The following WWOX variants were observed in gnomAD, a reference collection of about 807,000 sequenced individuals.
WWOX encodes WW domain-containing oxidoreductase.
Under a neutral mutation model 46.2 loss-of-function variants are expected in WWOX, and 69 were observed. That is an observed-to-expected ratio of 1.49 (90% CI 1.23 to 1.82). The LOEUF is 1.82. Among genes scored for constraint, WWOX ranks in the 40% most tolerant of loss-of-function variants. The pLI, the probability that WWOX is intolerant of heterozygous loss-of-function variation, is 0.00. For missense variants in WWOX, 919 were observed against 542.6 expected, an observed-to-expected ratio of 1.69 and a Z score of -6.89; for synonymous variants, 359 against 202.6, an observed-to-expected ratio of 1.77 and a Z score of -6.56.
chr16:78,841,584 C>T (rs1321044144), intron 8 of WWOX, among the ~76,000 whole-genome samples: 2 of 152,172 alleles, frequency 1.3e-5, no homozygotes, highest in African/African-American at 4.8e-5. Context: ...ATATGTAATG[C>T]TGCTTTCAAA....
chr16:78,611,012 A>C (rs1405747479), intron 8 of WWOX, among the ~76,000 whole-genome samples: 2 of 152,210 alleles, frequency 1.3e-5, no homozygotes, highest in African/African-American at 4.8e-5. Flanking sequence ...AGTAGGAAGC[A>C]GGCAGAGTTG....
intron 8 of WWOX, among the ~76,000 whole-genome samples, chr16:78,713,001 G>T (rs929717425): frequency 6.6e-6 from 1 of 152,002 alleles, no homozygotes; most frequent in Admixed American, 6.6e-5. Context: ...CTGGTGTAGT[G>T]GCTCATGCCT....
chr16:78,960,048 G>A lies in WWOX; in HGVS notation c.1057-251560G>A, dbSNP rs539820706. 4.1e-4 allele frequency among the ~76,000 whole-genome samples: 62 copies of A among 152,274 alleles called. 1 individual carries two copies. Among genetic ancestry groups the A allele is most frequent in the Middle Eastern group, 3.4e-3 (1 of 294 alleles). On this transcript the variant is annotated intron_variant, in intron 8 of 8. Transcript: ENST00000566780. ...TAGGTCTACCAGTTAGTGGGTATTG[G>A]TGCATGGTGGGACAGACTAAATGGC...
chr16:78,669,407 A>G (rs908602871), intron 8 of WWOX, among the ~76,000 whole-genome samples: 5 of 152,182 alleles, frequency 3.3e-5, no homozygotes, highest in African/African-American at 1.2e-4. Flanking sequence ...TCCCCAGGGG[A>G]TGTTTTTACA....
chr16:78,362,124 G>A (rs922489099), intron 5 of WWOX, among the ~76,000 whole-genome samples: 27 of 151,972 alleles, frequency 1.8e-4, no homozygotes, highest in Non-Finnish European at 3.5e-4. Flanking sequence ...TTTTATGTCC[G>A]GTGGCCATAG....
chr16:78,287,070 G>A lies in WWOX; in HGVS notation c.517-99790G>A, dbSNP rs1045908233. 3.9e-5 allele frequency among the ~76,000 whole-genome samples: 6 copies of A among 152,140 alleles called. No individual in the cohort carries two copies. The East Asian group carries it at 1.2e-3, about 29-fold the overall frequency. On this transcript the variant is annotated intron_variant, in intron 5 of 8. Transcript: ENST00000566780. ...GGAATTAGCCATTTGGTAATACAACGGGACAAGCTTATGGTAGGTCTGACC... is the reference window on the plus strand; with the variant it reads ...GGAATTAGCCATTTGGTAATACAACAGGACAAGCTTATGGTAGGTCTGACC...
At chr16:78,433,093 A>C (rs750615905) in intron 8 of WWOX, among the ~76,000 whole-genome samples, 2 of 152,124 alleles carry the variant, frequency 1.3e-5, no homozygotes, top group African/African-American at 4.8e-5. Flanking sequence ...TGAATGGAGC[A>C]CTTGAAAACT....
intron 8 of WWOX, among the ~76,000 whole-genome samples, chr16:79,051,005 C>A: frequency 6.6e-6 from 1 of 152,346 alleles, no homozygotes; most frequent in East Asian, 1.9e-4. Context: ...CCAAATCACA[C>A]GTCACGGCTC....
chr16:78,368,552 A>C (rs4459554), intron 5 of WWOX, among the ~76,000 whole-genome samples: 9,256 of 152,264 alleles, frequency 0.061, 343 homozygotes, highest in South Asian at 0.17. Context: ...ATATCCTCAA[A>C]CCAAGGAGAA....
chr16:79,036,267 C>A (rs753420207), intron 8 of WWOX, among the ~76,000 whole-genome samples: 1 of 152,212 alleles, frequency 6.6e-6, no homozygotes, highest in African/African-American at 2.4e-5. Flanking sequence ...ACTTTTTGCC[C>A]TGACTCCCAC....
At chr16:78,657,827 G>GT (rs2047116240) in intron 8 of WWOX, among the ~76,000 whole-genome samples, 1 of 152,066 alleles carries the variant, frequency 6.6e-6, no homozygotes, top group Non-Finnish European at 1.5e-5. Context: ...TTTTGTGTGT[G>GT]TGTTATTTTG....
chr16:78,669,842 G>A (rs1432838775), intron 8 of WWOX, among the ~76,000 whole-genome samples: 1 of 152,098 alleles, frequency 6.6e-6, no homozygotes, highest in Non-Finnish European at 1.5e-5. Flanking sequence ...TCTCTAATAA[G>A]ATGTTTAGGG....
chr16:78,525,979 C>T (rs1187036608), intron 8 of WWOX: 1 of 152,142 alleles, frequency 6.6e-6, no homozygotes, highest in East Asian at 1.9e-4. Context: ...GGTTGCAGAG[C>T]ACATGTATCA....
chr16:78,966,170 ATT>A (rs920650729), intron 8 of WWOX, among the ~76,000 whole-genome samples: 2 of 152,184 alleles, frequency 1.3e-5, no homozygotes, highest in Non-Finnish European at 2.9e-5. Context: ...GATATAATTT[ATT>A]TTTCCGTGTG....
chr16:78,881,748 C>A (rs1362013325), intron 8 of WWOX, among the ~76,000 whole-genome samples: 1 of 152,188 alleles, frequency 6.6e-6, no homozygotes, highest in Non-Finnish European at 1.5e-5. Context: ...TTCTTTCTGG[C>A]TTGTCTACGC....
intron 8 of WWOX, among the ~76,000 whole-genome samples, chr16:79,039,144 C>T (rs952846191): frequency 6.6e-6 from 1 of 152,156 alleles, no homozygotes; most frequent in African/African-American, 2.4e-5. Flanking sequence ...TTTATTGTAG[C>T]TGGGGAATTC....
At chr16:78,527,409 T>A (rs914002228) in intron 8 of WWOX, among the ~76,000 whole-genome samples, 10 of 151,732 alleles carry the variant, frequency 6.6e-5, no homozygotes, top group African/African-American at 1.5e-4. Context: ...TTTTCCTGCC[T>A]TGGGCCCCTG....
chr16:78,931,467 T>G (rs1414620944), intron 8 of WWOX, among the ~76,000 whole-genome samples: 2 of 152,174 alleles, frequency 1.3e-5, no homozygotes, highest in South Asian at 4.1e-4. Context: ...CTCTGCATAG[T>G]CAGCAGATTT....
intron 8 of WWOX, among the ~76,000 whole-genome samples, chr16:78,656,168 TTGTG>T (rs905723433): frequency 3.9e-5 from 6 of 151,900 alleles, no homozygotes; most frequent in African/African-American, 9.7e-5. Flanking sequence ...CTCATAACAT[TTGTG>T]TGTGTGTGGG....
Sources: gnomAD v4.1 joint callset for allele counts (sites outside exome capture counted in the v4.1 genomes callset) on GRCh38, gnomAD v4.1.1 for gene constraint, MANE v1.5 for transcripts, NCBI Gene and HGNC (gene_info 2026-07-23, HGNC 2026-07-21) for gene names.